The following TFRC variants were observed in gnomAD, a reference collection of about 807,000 sequenced individuals.
TFRC encodes transferrin receptor.
TFRC carries 35 observed loss-of-function variants against 85.8 expected under a neutral mutation model. The ratio of observed to expected loss-of-function variants is 0.41; its 90% CI spans 0.31 to 0.54. TFRC has a LOEUF of 0.54. Among genes scored for constraint, TFRC ranks in the 20% least tolerant of loss-of-function variants. The probability of loss-of-function intolerance (pLI) is 0.31; values close to 1 mark genes in which losing one functional copy is unlikely to be tolerated. For synonymous variants in TFRC, 362 were observed against 328.6 expected (o/e 1.10, Z -1.10); for missense variants, 828 against 921.5 (o/e 0.90, Z 1.31).
chr3:196,076,976 G>T (rs1008963995), intron 2 of TFRC, 88 bp downstream of exon 2: 2 of 1,199,260 alleles, frequency 1.7e-6, no homozygotes, highest in Non-Finnish European at 2.5e-6. Flanking sequence ...AATAGATTGG[G>T]GTTATTATTT....
Position 196,051,058 on chromosome 3 carries a change from AAAC to A in TFRC, c.*881_*883del. 1.4e-5 allele frequency: 3 copies of A among 211,638 alleles called. No individual in the cohort carries two copies. The highest frequency in any genetic ancestry group is 7.1e-5 in the East Asian group (1 of 13,994). 13.1% of individuals were successfully genotyped at this position (211,638 alleles called of 1,614,324 possible). Reference sequence around the variant, plus strand: ...ATAGTGAACTCTGTCACTGATAAATAAACAATAAATATCTCAGTGCCAAAAGGA... The same window carrying A: ...ATAGTGAACTCTGTCACTGATAAATAAATAAATATCTCAGTGCCAAAAGGA... On this transcript the variant is annotated 3_prime_UTR_variant, in exon 19 of 19. Transcript: ENST00000360110.
intron 6 of TFRC, among the ~76,000 whole-genome samples, chr3:196,070,486 T>C (rs865896720): frequency 1.7e-4 from 26 of 152,118 alleles, no homozygotes; most frequent in Non-Finnish European, 3.1e-4. Context: ...GCTCTGACCT[T>C]AGGTGATCCA....
At chr3:196,060,711 T>A (rs936503980) in intron 13 of TFRC, 2 of 138,522 alleles carry the variant, frequency 1.4e-5, no homozygotes, top group African/African-American at 5.5e-5. Flanking sequence ...GGCAGGAGAA[T>A]GGCATGAACC....
At chr3:196,066,280 AT>A (rs1560079425) in intron 9 of TFRC, among the ~76,000 whole-genome samples, 1 of 152,144 alleles carries the variant, frequency 6.6e-6, no homozygotes, top group Non-Finnish European at 1.5e-5. Context: ...GATAGTACAC[AT>A]TCTTAGCTCA....
At chr3:196,053,393 C>T (rs371954085) in intron 18 of TFRC, 25 bp downstream of exon 18, 60 of 1,613,580 alleles carry the variant, frequency 3.7e-5, no homozygotes, top group Middle Eastern at 1.6e-4. Context: ...TACTTTAGTT[C>T]CTCCTTTCCC....
intron 14 of TFRC, among the ~76,000 whole-genome samples, chr3:196,059,112 G>C (rs1717063910): frequency 6.6e-6 from 1 of 152,144 alleles, no homozygotes; most frequent in African/African-American, 2.4e-5. Flanking sequence ...TCAAGGGATT[G>C]AGACCATCCT....
chr3:196,078,441 G>A (rs981230615), intron 1 of TFRC, among the ~76,000 whole-genome samples: 3 of 152,084 alleles, frequency 2.0e-5, no homozygotes, highest in Non-Finnish European at 4.4e-5. Flanking sequence ...GGTGGATCAC[G>A]AGGTCAGGAG....
rs767909754 is a variant in TFRC, at chr3:196,069,435, T to C, written c.801+20A>G. ...GATACCAAAAGTACTGTATTTAATATTATAATAACTCATACTCACCTTTTC... is the reference window on the plus strand; with the variant it reads ...GATACCAAAAGTACTGTATTTAATACTATAATAACTCATACTCACCTTTTC... On this transcript the variant is annotated intron_variant, in intron 7 of 18. Coordinates refer to ENST00000360110, the MANE Select transcript of TFRC (RefSeq NM_001128148.3). 1 of 1,399,908 alleles carries C rather than the reference T, an allele frequency of 7.1e-7. No individual in the cohort carries two copies. The highest frequency in any genetic ancestry group is 1.0e-6 in the Non-Finnish European group (1 of 994,884). 86.7% of individuals were successfully genotyped at this position (1,399,908 alleles called of 1,614,324 possible). A position where few individuals can be genotyped will look rare whatever the true frequency, so the allele number is the denominator to read the frequency against.
intron 13 of TFRC, among the ~76,000 whole-genome samples, chr3:196,062,022 G>C (rs1191246937): frequency 6.6e-6 from 1 of 152,126 alleles, no homozygotes; most frequent in Non-Finnish European, 1.5e-5. Context: ...GCAGCATTTT[G>C]GGCAGCTGAC....
chr3:196,057,764 G>C (rs1362093676), intron 16 of TFRC, among the ~76,000 whole-genome samples: 3 of 136,350 alleles, frequency 2.2e-5, no homozygotes, highest in Non-Finnish European at 3.1e-5. Context: ...CTGGGTGACA[G>C]AGCAAGTCAC....
chr3:196,058,577 T>C lies in TFRC; in HGVS notation c.1592A>G (p.Lys531Arg), dbSNP rs909955738. Residue 531 changes from lysine to arginine, a missense_variant, in exon 15 of 19, where the codon AAA becomes AGA. Physicochemically the swap from Lys to Arg is conservative, Grantham distance 26. Coordinates refer to ENST00000360110, the MANE Select transcript of TFRC (RefSeq NM_001128148.3). ...TCATTCACTTTTCTCAACTTACACTTTGCTGGCCCAGTTGCTGTCCTGATA... is the reference window on the plus strand; with the variant it reads ...TCATTCACTTTTCTCAACTTACACTCTGCTGGCCCAGTTGCTGTCCTGATA... ...FLYQDSNWAS[K>R]VEKLTLDNAA... 1.9e-6 allele frequency: 3 copies of C among 1,611,330 alleles called. No individual in the cohort carries two copies. Among genetic ancestry groups the C allele is most frequent in the Non-Finnish European group, 1.7e-6 (2 of 1,179,174 alleles).
chr3:196,054,361 T>C (rs1673265252), intron 17 of TFRC, among the ~76,000 whole-genome samples: 1 of 152,066 alleles, frequency 6.6e-6, no homozygotes, highest in African/African-American at 2.4e-5. Flanking sequence ...GCCGAGATCA[T>C]GTCATTGCAT....
rs749019706 is a variant in TFRC at position 196,062,535 on chromosome 3, A to G, written c.1468+47T>C. On this transcript the variant is annotated intron_variant, in intron 13 of 18. Coordinates refer to ENST00000360110, the MANE Select transcript of TFRC (RefSeq NM_001128148.3). ...GCGACAAGAGCAAAACTCCATCTCA[A>G]AAAAGTTTACCTGAATTCATACACA... The G allele has an allele frequency of 5.1e-6, 8 of 1,561,846 alleles. No homozygotes were observed. In the South Asian group the frequency reaches 8.0e-5, roughly 16 times the overall value.
chr3:196,079,486 T>A lies in TFRC; in HGVS notation c.-23-2364A>T, dbSNP rs558133079. Among the ~76,000 whole-genome samples, 5 of 152,142 alleles carry A rather than the reference T, an allele frequency of 3.3e-5. No homozygotes were observed. In the South Asian group the frequency reaches 1.0e-3, roughly 32 times the overall value. ...AAAATTAGCCGGGCATGGTGGCGCA[T>A]GCCTGTAATCCCAGCTACTGGGGAG... On this transcript the variant is annotated intron_variant, in intron 1 of 18. Transcript: ENST00000360110.
intron 10 of TFRC, 136 bp from the exon 11 acceptor site, chr3:196,064,564 A>G (rs1280619848): frequency 1.3e-6 from 1 of 753,094 alleles, no homozygotes; most frequent in South Asian, 4.6e-5. Flanking sequence ...AAATCTGACT[A>G]AAAACTCTGG....
chr3:196,063,430 A>G (rs938287087), intron 11 of TFRC: 2 of 154,118 alleles, frequency 1.3e-5, no homozygotes, highest in African/African-American at 4.8e-5. Context: ...TATTTGTGAC[A>G]GCACCTTTTG....
chr3:196,066,295 AT>A (rs1158967166), intron 9 of TFRC, among the ~76,000 whole-genome samples: 1 of 152,154 alleles, frequency 6.6e-6, no homozygotes, highest in Admixed American at 6.5e-5. Flanking sequence ...TAGCTCAGTT[AT>A]AAAAAATATT....
At chr3:196,065,223 C>T (rs1209750863) in intron 10 of TFRC, among the ~76,000 whole-genome samples, 1 of 151,322 alleles carries the variant, frequency 6.6e-6, no homozygotes, top group Admixed American at 6.6e-5. Context: ...GATCACACCA[C>T]TGCACTCCAG....
chr3:196,060,140 A>C, intron 14 of TFRC, 40 bp downstream of exon 14: 1 of 1,545,708 alleles, frequency 6.5e-7, no homozygotes, highest in Non-Finnish European at 8.9e-7. Flanking sequence ...GATTCAACAA[A>C]AATTAAGTCA....
Sources: gnomAD v4.1 joint callset for allele counts (sites outside exome capture counted in the v4.1 genomes callset) on GRCh38, gnomAD v4.1.1 for gene constraint, MANE v1.5 for transcripts, NCBI Gene and HGNC (gene_info 2026-07-23, HGNC 2026-07-21) for gene names.